Variants in ADCY2 observed in about 807,000 individuals in gnomAD.
The protein encoded by ADCY2 is adenylate cyclase 2, also known as adenylate cyclase type 2.
In ADCY2, 31 loss-of-function variants were observed where a neutral mutation model predicts 125.2. That is an observed-to-expected ratio of 0.25 (90% CI 0.19 to 0.33). ADCY2 has a LOEUF of 0.33. ADCY2 is among the 10% of genes least tolerant of loss of function. The probability of loss-of-function intolerance (pLI) is 1.00; values close to 1 mark genes in which losing one functional copy is unlikely to be tolerated. For missense variants in ADCY2, 904 were observed against 1,418.2 expected (o/e 0.64, Z 5.82); for synonymous variants, 512 against 548.4 (o/e 0.93, Z 0.93).
chr5:7,420,482 A>G (rs1171466828), intron 2 of ADCY2, among the ~76,000 whole-genome samples: 3 of 152,140 alleles, frequency 2.0e-5, no homozygotes. Context: ...AATGGAGCGA[A>G]AAAGACCCCA....
intron 18 of ADCY2, among the ~76,000 whole-genome samples, chr5:7,777,789 G>C (rs1053849547): frequency 8.5e-5 from 13 of 152,186 alleles, no homozygotes; most frequent in African/African-American, 3.1e-4. Flanking sequence ...TCGATGAATA[G>C]TTAAGAAAAT....
intron 16 of ADCY2, among the ~76,000 whole-genome samples, chr5:7,763,048 T>TTG (rs1743276033): frequency 7.5e-6 from 1 of 133,242 alleles, no homozygotes; most frequent in African/African-American, 2.8e-5. Context: ...TTTTCTTTGT[T>TTG]TTTTTTGTTT....
chr5:7,671,756 C>G (rs1026939769), intron 4 of ADCY2, among the ~76,000 whole-genome samples: 4 of 151,814 alleles, frequency 2.6e-5, no homozygotes, highest in African/African-American at 9.7e-5. Flanking sequence ...AAATGAGATA[C>G]TTTTGTTTGC....
At chr5:7,550,134 C>T (rs1458881359) in intron 3 of ADCY2, among the ~76,000 whole-genome samples, 3 of 152,142 alleles carry the variant, frequency 2.0e-5, no homozygotes, top group Admixed American at 1.3e-4. Flanking sequence ...CTCTAAAATT[C>T]TCTCTATTGA....
intron 4 of ADCY2, among the ~76,000 whole-genome samples, chr5:7,634,270 G>A (rs778257164): frequency 6.6e-6 from 1 of 152,166 alleles, no homozygotes; most frequent in Non-Finnish European, 1.5e-5. Flanking sequence ...CTGAACCGAG[G>A]TATCCATTTA....
chr5:7,557,192 G>GATATATAGATATATCTAT (rs1204974635), intron 3 of ADCY2, among the ~76,000 whole-genome samples: 2 of 80,656 alleles, frequency 2.5e-5, no homozygotes, highest in Non-Finnish European at 3.7e-5. Flanking sequence ...TTATATATGT[G>GATATATAGATATATCTAT]ATATATATAA....
rs532504744 is a variant in ADCY2, at chr5:7,763,359, G to A, written c.2095-3328G>A. ...ACCCACCTCGGCCTCCCAAAGTGCTGGGATGACAGGCGTGAGCCACCGCGC... is the reference window on the plus strand; with the variant it reads ...ACCCACCTCGGCCTCCCAAAGTGCTAGGATGACAGGCGTGAGCCACCGCGC... On this transcript the variant is annotated intron_variant, in intron 16 of 24. Transcript: ENST00000338316. Among the ~76,000 whole-genome samples, 16 of 152,212 alleles carry A rather than the reference G, an allele frequency of 1.1e-4. No individual in the cohort carries two copies. In the East Asian group the frequency reaches 2.7e-3, roughly 26 times the overall value.
chr5:7,520,184 G>C (rs370192881), intron 2 of ADCY2, among the ~76,000 whole-genome samples: 29 of 152,308 alleles, frequency 1.9e-4, no homozygotes, highest in African/African-American at 7.0e-4. Flanking sequence ...TAGAACTGCT[G>C]TGTATGTTTA....
At chr5:7,438,295 C>A (rs1242243665) in intron 2 of ADCY2, among the ~76,000 whole-genome samples, 1 of 152,188 alleles carries the variant, frequency 6.6e-6, no homozygotes, top group Non-Finnish European at 1.5e-5. Flanking sequence ...AGGCTAGGCC[C>A]TGGAATTAGA....
At chr5:7,543,053 C>A (rs1579555949) in intron 3 of ADCY2, among the ~76,000 whole-genome samples, 1 of 152,106 alleles carries the variant, frequency 6.6e-6, no homozygotes. Context: ...TTTTTTATAT[C>A]CTGTAACTTG....
rs1295697735 is a variant in ADCY2 at position 7,617,009 on chromosome 5, G to A, written c.571-9158G>A. Among the ~76,000 whole-genome samples, 9 of 152,164 alleles carry A rather than the reference G, an allele frequency of 5.9e-5. No individual in the cohort carries two copies. The East Asian group carries it at 1.5e-3, about 26-fold the overall frequency. On this transcript the variant is annotated intron_variant, in intron 3 of 24. Transcript: ENST00000338316. Reference sequence around the variant, plus strand: ...CTCATGTTGAAGTTTAATTGCCATTGTAACACTATTAGGAAGTAGAACTTT... The same window carrying A: ...CTCATGTTGAAGTTTAATTGCCATTATAACACTATTAGGAAGTAGAACTTT...
chr5:7,698,431 T>C (rs1315527774), intron 7 of ADCY2, 57 bp downstream of exon 7: 7 of 1,584,712 alleles, frequency 4.4e-6, no homozygotes, highest in Non-Finnish European at 6.1e-6. Context: ...GGGGTACATG[T>C]GCACAACGTG....
intron 14 of ADCY2, among the ~76,000 whole-genome samples, chr5:7,728,831 G>T (rs1056275842): frequency 2.0e-5 from 3 of 152,112 alleles, no homozygotes; most frequent in Admixed American, 6.6e-5. Flanking sequence ...CTGGGGATGG[G>T]GAGAGTGACT....
rs960644227 is a variant in ADCY2, at chr5:7,821,116, C to T, written c.3123+427C>T. Among the ~76,000 whole-genome samples the T allele has an allele frequency of 5.3e-5, 8 of 152,142 alleles. No individual in the cohort carries two copies. In the South Asian group the frequency reaches 6.2e-4, roughly 12 times the overall value. On this transcript the variant is annotated intron_variant, in intron 24 of 24. Transcript: ENST00000338316. Reference sequence around the variant, plus strand: ...TGGGAGGAGGGGAAGTGGTAGGCTTCGGAGAGGTGGGAGATGAAACAGAAG... The same window carrying T: ...TGGGAGGAGGGGAAGTGGTAGGCTTTGGAGAGGTGGGAGATGAAACAGAAG...
intron 2 of ADCY2, 52 bp downstream of exon 2, chr5:7,414,822 T>C: frequency 6.7e-7 from 1 of 1,487,614 alleles, no homozygotes; most frequent in Non-Finnish European, 9.0e-7. Context: ...ATTTGTGACA[T>C]ACTTAGTTCT....
chr5:7,661,596 G>C (rs1419475374), intron 4 of ADCY2, among the ~76,000 whole-genome samples: 1 of 152,214 alleles, frequency 6.6e-6, no homozygotes, highest in Non-Finnish European at 1.5e-5. Flanking sequence ...TCGAATAAAT[G>C]ATTCAATGAT....
chr5:7,666,708 T>G (rs968212894), intron 4 of ADCY2, among the ~76,000 whole-genome samples: 2 of 152,348 alleles, frequency 1.3e-5, no homozygotes, highest in East Asian at 1.9e-4. Flanking sequence ...CTTTCCCACA[T>G]GGGGCCTCAG....
chr5:7,749,027 C>T (rs951295817), intron 15 of ADCY2, among the ~76,000 whole-genome samples: 3 of 152,118 alleles, frequency 2.0e-5, no homozygotes, highest in Non-Finnish European at 2.9e-5. Context: ...CACAGGCAGA[C>T]GGTGCCCAGC....
chr5:7,628,251 C>CT (rs951696725), intron 4 of ADCY2, among the ~76,000 whole-genome samples: 1 of 152,046 alleles, frequency 6.6e-6, no homozygotes, highest in African/African-American at 2.4e-5. Context: ...ACATGTTTAA[C>CT]TTTTTTTTCA....
Sources: allele counts gnomAD v4.1 joint callset (sites outside exome capture counted in the v4.1 genomes callset), GRCh38; gene constraint gnomAD v4.1.1; transcripts MANE v1.5; gene names NCBI Gene and HGNC (gene_info 2026-07-23, HGNC 2026-07-21).